Variants in GALNT13 observed in about 807,000 individuals in gnomAD.
The protein encoded by GALNT13 is UDP-GalNAc:polypeptide N-acetylgalactosaminyltransferase 13.
GALNT13 carries 28 observed loss-of-function variants against 64.2 expected under a neutral mutation model. The ratio of observed to expected loss-of-function variants is 0.44; its 90% confidence interval spans 0.32 to 0.60. GALNT13 has a LOEUF of 0.60. Ranked by LOEUF, GALNT13 falls within the 20% of genes least tolerant of loss-of-function variation. The pLI is 0.05. For missense variants in GALNT13, 577 were observed against 669.8 expected, an observed-to-expected ratio of 0.86 and a Z score of 1.53; for synonymous variants, 214 against 224.6, an observed-to-expected ratio of 0.95 and a Z score of 0.42.
chr2:154,406,978 G>A (rs1425505157), intron 10 of GALNT13, among the ~76,000 whole-genome samples: 1 of 152,092 alleles, frequency 6.6e-6, no homozygotes, highest in Non-Finnish European at 1.5e-5. Context: ...AAAATATTTT[G>A]GAGCCATTCT....
chr2:153,430,816 A>G, the GALNT13 span, among the ~76,000 whole-genome samples: 1 of 151,994 alleles, frequency 6.6e-6, no homozygotes, highest in Non-Finnish European at 1.5e-5. Flanking sequence ...ATATTTCTAT[A>G]TAGGGTTTAA....
chr2:153,555,377 G>A, the GALNT13 span, among the ~76,000 whole-genome samples: 22 of 132,062 alleles, frequency 1.7e-4, no homozygotes, highest in Non-Finnish European at 8.1e-5. Context: ...TGTATTTTTA[G>A]TAGAGACGGG....
At chr2:154,123,979 A>T (rs1198614123) in intron 3 of GALNT13, among the ~76,000 whole-genome samples, 1 of 152,080 alleles carries the variant, frequency 6.6e-6, no homozygotes, top group Admixed American at 6.5e-5. Context: ...AACTCATTGA[A>T]CTGCAAACAA....
At chr2:153,364,186 C>T in the GALNT13 span, among the ~76,000 whole-genome samples, 6 of 152,150 alleles carry the variant, frequency 3.9e-5, no homozygotes, top group African/African-American at 1.4e-4. Context: ...TAAAATTCAA[C>T]ATCCCTTTAT....
chr2:153,509,456 T>C, the GALNT13 span, among the ~76,000 whole-genome samples: 2 of 152,256 alleles, frequency 1.3e-5, no homozygotes, highest in African/African-American at 4.8e-5. Flanking sequence ...ATTCCTTTGC[T>C]TATATTTAAG....
intron 2 of GALNT13, among the ~76,000 whole-genome samples, chr2:153,901,365 G>T (rs548925623): frequency 6.6e-6 from 1 of 152,006 alleles, no homozygotes; most frequent in Non-Finnish European, 1.5e-5. Context: ...GAACAATATC[G>T]TTTGCAGTTT....
intron 3 of GALNT13, among the ~76,000 whole-genome samples, chr2:154,073,162 A>G (rs948206000): frequency 7.2e-5 from 11 of 152,058 alleles, no homozygotes; most frequent in Admixed American, 7.2e-4. Flanking sequence ...AATGCAAAGT[A>G]AGTGTAAACA....
At chr2:153,627,148 G>A in the GALNT13 span, among the ~76,000 whole-genome samples, 3 of 152,044 alleles carry the variant, frequency 2.0e-5, no homozygotes, top group African/African-American at 7.2e-5. Context: ...AAAGGGACAA[G>A]CCTGATCATA....
the GALNT13 span, among the ~76,000 whole-genome samples, chr2:153,643,232 A>G: frequency 6.6e-6 from 1 of 151,492 alleles, no homozygotes; most frequent in Admixed American, 6.6e-5. Flanking sequence ...TGTAATGACT[A>G]GTAAAATAAA....
chr2:153,576,630 G>A, the GALNT13 span, among the ~76,000 whole-genome samples: 2 of 152,194 alleles, frequency 1.3e-5, no homozygotes, highest in East Asian at 1.9e-4. Flanking sequence ...TGGGGGTTGG[G>A]GAAGGGATGG....
At chr2:154,327,164 T>A (rs1694919358) in intron 9 of GALNT13, among the ~76,000 whole-genome samples, 1 of 151,988 alleles carries the variant, frequency 6.6e-6, no homozygotes, top group Non-Finnish European at 1.5e-5. Context: ...TCTGACGGTT[T>A]TATAAGGGGC....
intron 3 of GALNT13, among the ~76,000 whole-genome samples, chr2:154,052,906 T>G (rs1278538295): frequency 6.6e-6 from 1 of 151,834 alleles, no homozygotes; most frequent in Non-Finnish European, 1.5e-5. Flanking sequence ...CCGGCTAATT[T>G]TTTTGTATTT....
chr2:153,323,849 T>C, the GALNT13 span, among the ~76,000 whole-genome samples: 103,926 of 152,064 alleles, frequency 0.68, 37,014 homozygotes, highest in Non-Finnish European at 0.79. Flanking sequence ...TTGGTCTATA[T>C]ATCTATTTTG....
At chr2:153,827,270 A>AC in the GALNT13 span, among the ~76,000 whole-genome samples, 1 of 151,816 alleles carries the variant, frequency 6.6e-6, no homozygotes, top group Non-Finnish European at 1.5e-5. Flanking sequence ...TGATTCAATT[A>AC]CACCCCACTG....
chr2:153,999,709 CT>C, intron 3 of GALNT13, among the ~76,000 whole-genome samples: 1 of 151,780 alleles, frequency 6.6e-6, no homozygotes, highest in Non-Finnish European at 1.5e-5. Flanking sequence ...ATTGTCGATT[CT>C]GGTTTGCCAG....
intron 4 of GALNT13, among the ~76,000 whole-genome samples, chr2:154,157,165 A>T (rs1409036138): frequency 6.6e-6 from 1 of 151,944 alleles, no homozygotes; most frequent in Non-Finnish European, 1.5e-5. Context: ...CTTCTGTTTC[A>T]CTGAGAAAAA....
At chr2:153,794,929 G>T in the GALNT13 span, among the ~76,000 whole-genome samples, 1 of 152,150 alleles carries the variant, frequency 6.6e-6, no homozygotes, top group Non-Finnish European at 1.5e-5. Flanking sequence ...ATCTGGTAAA[G>T]AAATATTTTA....
chr2:153,973,816 C>T (rs1438093301), intron 3 of GALNT13, among the ~76,000 whole-genome samples: 2 of 152,018 alleles, frequency 1.3e-5, no homozygotes, highest in South Asian at 2.1e-4. Context: ...CACATGCGCA[C>T]CTAGTGGAAT....
the GALNT13 span, among the ~76,000 whole-genome samples, chr2:153,546,273 A>G: frequency 6.6e-6 from 1 of 152,198 alleles, no homozygotes; most frequent in African/African-American, 2.4e-5. Context: ...AAACATTAAA[A>G]CGCTGTGACA....
Sources: allele counts gnomAD v4.1 joint callset (sites outside exome capture counted in the v4.1 genomes callset), GRCh38; gene constraint gnomAD v4.1.1; transcripts MANE v1.5; gene names NCBI Gene and HGNC (gene_info 2026-07-23, HGNC 2026-07-21).